The following ADGRL2 variants were observed in gnomAD, a reference collection of about 807,000 sequenced individuals.
ADGRL2 encodes the protein adhesion G protein-coupled receptor L2.
Under a neutral mutation model 157.4 loss-of-function variants are expected in ADGRL2, and 44 were observed. The ratio of observed to expected loss-of-function variants is 0.28; its 90% CI spans 0.22 to 0.36. The LOEUF is 0.36. Ranked by LOEUF, ADGRL2 falls within the 10% of genes least tolerant of loss-of-function variation. The probability of loss-of-function intolerance (pLI) is 1.00; values close to 1 mark genes in which losing one functional copy is unlikely to be tolerated. For missense variants in ADGRL2, 1,510 were observed against 1,768.9 expected (o/e 0.85, Z 2.63); for synonymous variants, 585 against 624.7 (o/e 0.94, Z 0.95).
rs1352774057 is a variant in ADGRL2 at position 81,869,922 on chromosome 1, T to TG, written c.73+32866dup. ...AATTTGTTAGCTATTTGATCTACATTGTAAAATATGTTTAATGGCTGTGCA... is the reference window on the plus strand; with the variant it reads ...AATTTGTTAGCTATTTGATCTACATTGGTAAAATATGTTTAATGGCTGTGCA... On this transcript the variant is annotated intron_variant, in intron 2 of 23. Transcript: ENST00000686636. Among the ~76,000 whole-genome samples, 4 of 152,094 alleles carry TG rather than the reference T, an allele frequency of 2.6e-5. 1 individual carries two copies. Among genetic ancestry groups the TG allele is most frequent in the African/African-American group, 9.6e-5 (4 of 41,452 alleles).
Position 81,482,518 on chromosome 1 carries a change from A to G in ADGRL2, c.-248+37429A>G, listed in dbSNP as rs991968171. 1.2e-3 allele frequency among the ~76,000 whole-genome samples: 184 copies of G among 152,316 alleles called. 2 individuals carry two copies. The highest frequency in any genetic ancestry group is 4.3e-3 in the African/African-American group (180 of 41,578). ...TTTGCCTGTGCAAATCTGAGTTTAA[A>G]GCCAAAATGCCTGAATTAGTGATGT... On this transcript the variant is annotated intron_variant, in intron 2 of 24. Transcript: ENST00000370721.
intron 2 of ADGRL2, among the ~76,000 whole-genome samples, chr1:81,887,149 G>T (rs1395242991): frequency 3.9e-5 from 6 of 152,154 alleles, no homozygotes; most frequent in Non-Finnish European, 7.3e-5. Context: ...TTGGTGAGAA[G>T]AGAGCTTTGA....
At chr1:81,696,917 G>A (rs931445550), upstream of ADGRL2, among the ~76,000 whole-genome samples, 1 of 152,160 alleles carries the variant, frequency 6.6e-6, no homozygotes, top group Non-Finnish European at 1.5e-5. Context: ...AAGTGAGCCT[G>A]TTGAAAAATG....
Position 81,528,646 on chromosome 1 carries a change from C to CAAAAAAAAAAAA in ADGRL2, c.-247-52212_-247-52201dup, listed in dbSNP as rs59842382. ...TGGGCAAAAAAGTGAGACTCCATCTCAAAAAAAAAAAAAAAAAAAAAAAAA... is the reference window on the plus strand; with the variant it reads ...TGGGCAAAAAAGTGAGACTCCATCTCAAAAAAAAAAAAAAAAAAAAAAAAAAAAAAAAAAAAA... On this transcript the variant is annotated intron_variant, in intron 2 of 24. Coordinates refer to the ADGRL2 transcript ENST00000370721. Among the ~76,000 whole-genome samples, 46 of 114,630 alleles carry CAAAAAAAAAAAA rather than the reference C, an allele frequency of 4.0e-4. 1 individual carries two copies. Among genetic ancestry groups the CAAAAAAAAAAAA allele is most frequent in the Non-Finnish European group, 5.3e-4 (30 of 56,414 alleles). 75.2% of individuals were successfully genotyped at this position (114,630 alleles called of 152,430 possible).
chr1:81,752,601 C>A (rs534813127), intron 1 of ADGRL2, among the ~76,000 whole-genome samples: 1 of 152,242 alleles, frequency 6.6e-6, no homozygotes, highest in South Asian at 2.1e-4. Flanking sequence ...CGGCTCACTG[C>A]AGCCTCAACA....
In ADGRL2 at chr1:81,676,725, C is replaced by T. The variant is rs144741395; in HGVS notation, c.-142-85086C>T. On this transcript the variant is annotated intron_variant, in intron 3 of 24. Coordinates refer to the ADGRL2 transcript ENST00000370721. ...TTTTTTGAGACGAGTCTTGCTCTGT[C>T]GCCCAGGCTGGAGTGCAGTGGCGCG... 2.4e-3 allele frequency among the ~76,000 whole-genome samples: 364 copies of T among 151,884 alleles called. 11 individuals are homozygous for T. In the East Asian group the frequency reaches 0.057, roughly 24 times the overall value.
rs866396454 is a variant in ADGRL2, at chr1:81,458,422, G to A, written c.-248+13333G>A. On this transcript the variant is annotated intron_variant, in intron 2 of 24. Coordinates refer to the ADGRL2 transcript ENST00000370721. ...TGGTGAGTGAGAGGGAATGGCGCCC[G>A]GCACGTTCTTTTCTGCTGCAGCCAG... 7.2e-5 allele frequency among the ~76,000 whole-genome samples: 11 copies of A among 152,284 alleles called. 1 individual carries two copies. The highest frequency in any genetic ancestry group is 3.4e-3 in the Middle Eastern group (1 of 294).
intron 1 of ADGRL2, among the ~76,000 whole-genome samples, chr1:81,816,789 A>G (rs1414164517): frequency 6.6e-6 from 1 of 151,948 alleles, no homozygotes; most frequent in Non-Finnish European, 1.5e-5. Context: ...TGCTCTTTTT[A>G]TGCTTGCCTA....
At position 81,766,346 on chromosome 1, in the gene ADGRL2, G is replaced by GT. The variant is rs1286277569; in HGVS notation, c.-101+4495dup. Among the ~76,000 whole-genome samples, 3 of 152,136 alleles carry GT rather than the reference G, an allele frequency of 2.0e-5. No homozygotes were observed. In the East Asian group the frequency reaches 5.8e-4, roughly 29 times the overall value. ...TCTCCCAACTTTCCTAAACAATATC[G>GT]TAAGTTGGCTTCTGAAATGATTTAT... On this transcript the variant is annotated intron_variant, in intron 2 of 20. Coordinates refer to the ADGRL2 transcript ENST00000359929.
intron 2 of ADGRL2, among the ~76,000 whole-genome samples, chr1:81,770,186 C>T (rs1303767333): frequency 1.8e-5 from 2 of 112,444 alleles, no homozygotes; most frequent in East Asian, 2.9e-4. Context: ...TTTTTGAGAC[C>T]GAGTCTCACT....
intron 2 of ADGRL2, among the ~76,000 whole-genome samples, chr1:81,554,566 TAA>T (rs201463510): frequency 0.019 from 2,868 of 152,108 alleles, 91 homozygotes; most frequent in African/African-American, 0.065. Context: ...ATATTTTCAC[TAA>T]GCACCAAATA....
At chr1:81,758,309 G>A (rs939858969) in intron 1 of ADGRL2, among the ~76,000 whole-genome samples, 5 of 152,130 alleles carry the variant, frequency 3.3e-5, no homozygotes, top group East Asian at 1.9e-4. Context: ...GTTGTCTGGC[G>A]GCACCCCAGT....
At chr1:81,681,471 A>G (rs1283782412) in intron 3 of ADGRL2, among the ~76,000 whole-genome samples, 1 of 152,202 alleles carries the variant, frequency 6.6e-6, no homozygotes, top group African/African-American at 2.4e-5. Flanking sequence ...GTCCCGGTGT[A>G]TTTCCTATCG....
chr1:81,854,813 T>A (rs2093145906), intron 2 of ADGRL2, among the ~76,000 whole-genome samples: 1 of 151,960 alleles, frequency 6.6e-6, no homozygotes, highest in Admixed American at 6.6e-5. Context: ...TGTGCAAAAA[T>A]ATTGCCACTA....
chr1:81,359,174 T>C (rs1422719415), intron 1 of ADGRL2, among the ~76,000 whole-genome samples: 2 of 152,076 alleles, frequency 1.3e-5, no homozygotes, highest in East Asian at 1.9e-4. Context: ...TACTTGAGCA[T>C]AGACATATCC....
intron 2 of ADGRL2, chr1:81,501,684 C>T (rs2078851617): frequency 6.4e-7 from 1 of 1,566,482 alleles, no homozygotes; most frequent in Non-Finnish European, 8.7e-7. Context: ...CCCGGAGTGC[C>T]CCGCACAGGT....
chr1:81,628,857 A>G (rs1263954747), intron 3 of ADGRL2, among the ~76,000 whole-genome samples: 2 of 152,196 alleles, frequency 1.3e-5, no homozygotes, highest in Non-Finnish European at 2.9e-5. Context: ...ATATTTATGA[A>G]CTGTATTAGA....
At chr1:81,871,236 C>T (rs1304854750) in intron 2 of ADGRL2, among the ~76,000 whole-genome samples, 1 of 151,940 alleles carries the variant, frequency 6.6e-6, no homozygotes, top group Non-Finnish European at 1.5e-5. Context: ...TTTCCAGCTT[C>T]GTCCATGTCC....
chr1:81,971,811 C>T (rs2149341582), intron 16 of ADGRL2, 41 bp from the exon 17 acceptor site: 1 of 1,057,806 alleles, frequency 9.5e-7, no homozygotes, highest in East Asian at 2.4e-5. Flanking sequence ...GTTGAGGTTC[C>T]ATAGAAACTA....
Sources: allele counts gnomAD v4.1 joint callset (sites outside exome capture counted in the v4.1 genomes callset), GRCh38; gene constraint gnomAD v4.1.1; transcripts MANE v1.5; gene names NCBI Gene and HGNC (gene_info 2026-07-23, HGNC 2026-07-21).